The following ATP10B variants were observed in gnomAD, a reference collection of about 807,000 sequenced individuals.
The protein encoded by ATP10B is ATPase phospholipid transporting 10B (putative), also known as phospholipid-transporting ATPase VB.
Under a neutral mutation model 141.2 loss-of-function variants are expected in ATP10B, and 122 were observed. The observed-to-expected ratio is 0.86, with a 90% CI of 0.75 to 1.00. The LOEUF is 1.00. Among genes scored for constraint, ATP10B ranks in the 50% least tolerant of loss-of-function variants. The probability of loss-of-function intolerance (pLI) is 0.00; values close to 1 mark genes in which losing one functional copy is unlikely to be tolerated. For synonymous variants in ATP10B, 685 were observed against 692.0 expected (o/e 0.99, Z 0.16); for missense variants, 1,876 against 1,825.3 (o/e 1.03, Z -0.51).
chr5:160,889,676 G>A, the ATP10B span, among the ~76,000 whole-genome samples: 1 of 152,196 alleles, frequency 6.6e-6, no homozygotes, highest in South Asian at 2.1e-4. Context: ...AAAGACATGT[G>A]AGAATGGAAA....
intron 2 of ATP10B, among the ~76,000 whole-genome samples, chr5:160,720,378 T>C (rs1358355465): frequency 6.6e-6 from 1 of 152,222 alleles, no homozygotes; most frequent in Non-Finnish European, 1.5e-5. Context: ...AAAAACTAAG[T>C]GCGATGGAGT....
chr5:160,706,036 C>G (rs1764993034), intron 3 of ATP10B, among the ~76,000 whole-genome samples: 1 of 152,198 alleles, frequency 6.6e-6, no homozygotes, highest in Non-Finnish European at 1.5e-5. Context: ...GATGGGGGAA[C>G]AGCTGGATGG....
At chr5:160,609,154 G>A (rs1420998291) in intron 18 of ATP10B, among the ~76,000 whole-genome samples, 1 of 152,058 alleles carries the variant, frequency 6.6e-6, no homozygotes, top group Admixed American at 6.6e-5. Flanking sequence ...ATTTTACAGT[G>A]TTTCTTCATC....
chr5:160,913,827 C>A, the ATP10B span, among the ~76,000 whole-genome samples: 1,196 of 152,236 alleles, frequency 7.9e-3, 19 homozygotes, highest in African/African-American at 0.027. Context: ...CGTGAAAATA[C>A]CCAGTCCAAT....
intron 1 of ATP10B, among the ~76,000 whole-genome samples, chr5:160,835,177 C>T (rs567675112): frequency 6.6e-6 from 1 of 152,074 alleles, no homozygotes; most frequent in South Asian, 2.1e-4. Context: ...GTTTCTCACA[C>T]CCTGGACTAA....
chr5:160,800,960 A>T (rs1772336872), intron 1 of ATP10B, among the ~76,000 whole-genome samples: 1 of 152,104 alleles, frequency 6.6e-6, no homozygotes, highest in Non-Finnish European at 1.5e-5. Context: ...TAGGTTTGTA[A>T]TGTACTGTTT....
At chr5:160,810,313 C>T (rs1183215339) in intron 1 of ATP10B, among the ~76,000 whole-genome samples, 1 of 151,836 alleles carries the variant, frequency 6.6e-6, no homozygotes, top group Non-Finnish European at 1.5e-5. Flanking sequence ...ATTTTTTGTG[C>T]TAAATATTTT....
chr5:160,837,946 G>T (rs756150315), intron 1 of ATP10B, among the ~76,000 whole-genome samples: 49 of 152,088 alleles, frequency 3.2e-4, no homozygotes, highest in Non-Finnish European at 5.6e-4. Context: ...TTGACATCAG[G>T]ATTCTGTAAT....
upstream of ATP10B, among the ~76,000 whole-genome samples, chr5:160,854,375 G>A (rs1256931634): frequency 6.6e-6 from 1 of 151,840 alleles, no homozygotes; most frequent in Non-Finnish European, 1.5e-5. Context: ...TCTTCCCTGT[G>A]TCCATGTGTT....
At chr5:160,815,962 A>G (rs1200065338) in intron 1 of ATP10B, among the ~76,000 whole-genome samples, 3 of 151,940 alleles carry the variant, frequency 2.0e-5, no homozygotes, top group South Asian at 2.1e-4. Context: ...CTTTGAAACC[A>G]GTGAGAACAA....
chr5:160,602,616 G>C lies in ATP10B; in HGVS notation c.3324C>G (p.Arg1108=), dbSNP rs562764486. The change falls in exon 21 of 26, where the codon CGC becomes CGG. Residue 1108 remains arginine, a synonymous_variant. Transcript: ENST00000327245. The part of the protein sequence containing the change: ...LLVHGHWCYS[R]LARMVVYYLY... ...GGTAGTACACCACCATCCTGGCCAG[G>C]CGCGAGTAACACCAGTGGCCATGCA... 1 of 1,614,022 alleles carries C rather than the reference G, an allele frequency of 6.2e-7. No individual in the cohort carries two copies. The highest frequency in any genetic ancestry group is 8.5e-7 in the Non-Finnish European group (1 of 1,179,918).
At chr5:160,674,311 T>G (rs2127730404) in intron 6 of ATP10B, among the ~76,000 whole-genome samples, 1 of 152,334 alleles carries the variant, frequency 6.6e-6, no homozygotes, top group East Asian at 1.9e-4. Flanking sequence ...CTGCTTATTC[T>G]AGAATGTGGA....
chr5:160,663,081 A>G (rs1762056929), intron 7 of ATP10B, among the ~76,000 whole-genome samples: 4 of 152,208 alleles, frequency 2.6e-5, no homozygotes, highest in Non-Finnish European at 5.9e-5. Context: ...AATCAAAACC[A>G]CAATGAGATA....
At chr5:160,693,682 G>A (rs1764209090) in intron 3 of ATP10B, among the ~76,000 whole-genome samples, 1 of 152,152 alleles carries the variant, frequency 6.6e-6, no homozygotes, top group Admixed American at 6.5e-5. Flanking sequence ...CATGGACAGT[G>A]GTTGGGGGAT....
chr5:160,677,387 C>T (rs915126890), intron 6 of ATP10B, among the ~76,000 whole-genome samples: 7 of 152,138 alleles, frequency 4.6e-5, no homozygotes, highest in Admixed American at 3.9e-4. Flanking sequence ...GGCCTGAAGG[C>T]TGGATGCAAT....
At chr5:160,872,115 AT>A in the ATP10B span, among the ~76,000 whole-genome samples, 1 of 151,854 alleles carries the variant, frequency 6.6e-6, no homozygotes, top group Non-Finnish European at 1.5e-5. Flanking sequence ...TCACATTGTG[AT>A]TTTGGTTTGC....
At chr5:160,845,126 T>G in intron 1 of ATP10B, among the ~76,000 whole-genome samples, 1 of 152,214 alleles carries the variant, frequency 6.6e-6, no homozygotes, top group Non-Finnish European at 1.5e-5. Flanking sequence ...CACAATCTAA[T>G]GTTGAAACTG....
intron 24 of ATP10B, among the ~76,000 whole-genome samples, chr5:160,581,043 C>T (rs758778709): frequency 1.5e-4 from 23 of 151,540 alleles, no homozygotes; most frequent in Non-Finnish European, 3.1e-4. Flanking sequence ...TTTGATTTTT[C>T]TCTCATTAGT....
At chr5:160,581,323 G>C (rs1755535831) in intron 24 of ATP10B, among the ~76,000 whole-genome samples, 1 of 152,184 alleles carries the variant, frequency 6.6e-6, no homozygotes. Context: ...TGCTTTAGCT[G>C]TGTCCAGAGA....
Sources: allele counts gnomAD v4.1 joint callset (sites outside exome capture counted in the v4.1 genomes callset), GRCh38; gene constraint gnomAD v4.1.1; transcripts MANE v1.5; gene names NCBI Gene and HGNC (gene_info 2026-07-23, HGNC 2026-07-21).